Variants in SUPT3H observed in about 807,000 individuals in gnomAD.
The protein encoded by SUPT3H is transcription initiation protein SPT3 homolog.
A neutral mutation model predicts 44.3 loss-of-function variants in SUPT3H; 44 were observed. That is an observed-to-expected ratio of 0.99 (90% CI 0.78 to 1.28). The LOEUF (loss-of-function observed/expected upper bound fraction) is 1.28. Among genes scored for constraint, SUPT3H ranks in the 50% most tolerant of loss-of-function variants. The pLI is 0.00. For synonymous variants in SUPT3H, 124 were observed against 125.6 expected (o/e 0.99, Z 0.09); for missense variants, 380 against 387.1 (o/e 0.98, Z 0.15).
At chr6:45,261,598 A>G (rs1377159378) in intron 2 of SUPT3H, among the ~76,000 whole-genome samples, 1 of 152,178 alleles carries the variant, frequency 6.6e-6, no homozygotes, top group Non-Finnish European at 1.5e-5. Flanking sequence ...AGAATCATCT[A>G]TGGCAAACCC....
intron 3 of SUPT3H, among the ~76,000 whole-genome samples, chr6:45,055,058 G>A (rs1486795090): frequency 6.6e-6 from 1 of 151,840 alleles, no homozygotes; most frequent in Non-Finnish European, 1.5e-5. Flanking sequence ...CTTGAGCAGA[G>A]ACTTCAGTGG....
At chr6:45,072,842 C>G (rs767178841) in intron 3 of SUPT3H, among the ~76,000 whole-genome samples, 21 of 151,952 alleles carry the variant, frequency 1.4e-4, no homozygotes, top group Non-Finnish European at 2.1e-4. Context: ...CTTCTTCAAA[C>G]TTGGATACTG....
intron 2 of SUPT3H, among the ~76,000 whole-genome samples, chr6:45,199,648 G>T (rs906684696): frequency 1.3e-5 from 2 of 151,238 alleles, no homozygotes; most frequent in African/African-American, 2.4e-5. Flanking sequence ...TTCTTCAGTA[G>T]TTTCACAGTA....
intron 3 of SUPT3H, among the ~76,000 whole-genome samples, chr6:45,028,132 TGTTTG>T (rs1786320085): frequency 1.3e-5 from 2 of 152,250 alleles, no homozygotes; most frequent in African/African-American, 4.8e-5. Context: ...TTTTTTGTTT[TGTTTG>T]TTTTCCTGAA....
intron 10 of SUPT3H, among the ~76,000 whole-genome samples, chr6:44,840,772 C>A (rs1437828608): frequency 6.6e-6 from 1 of 152,198 alleles, no homozygotes; most frequent in Admixed American, 6.5e-5. Flanking sequence ...TTTATTCAAT[C>A]TAGGCCATTT....
At chr6:45,170,366 T>C (rs1562598014) in intron 2 of SUPT3H, among the ~76,000 whole-genome samples, 1 of 152,152 alleles carries the variant, frequency 6.6e-6, no homozygotes, top group Non-Finnish European at 1.5e-5. Context: ...AAACAAACAG[T>C]AACATGAAAT....
chr6:45,240,385 T>C (rs1770065428), intron 2 of SUPT3H, among the ~76,000 whole-genome samples: 1 of 152,202 alleles, frequency 6.6e-6, no homozygotes, highest in Non-Finnish European at 1.5e-5. Context: ...TTATTCTTAT[T>C]GGGCATATTT....
chr6:45,020,524 C>T (rs754988415), intron 4 of SUPT3H, 22 bp downstream of exon 4: 28 of 1,573,710 alleles, frequency 1.8e-5, no homozygotes, highest in Admixed American at 3.4e-5. Context: ...GATTTTAATA[C>T]AATAAAATTA....
intron 10 of SUPT3H, among the ~76,000 whole-genome samples, chr6:44,926,278 G>A (rs1010115783): frequency 6.6e-6 from 1 of 151,870 alleles, no homozygotes; most frequent in South Asian, 2.1e-4. Context: ...TTAATCTCAG[G>A]TTATACAATT....
At chr6:45,138,239 T>A (rs1342773975) in intron 2 of SUPT3H, among the ~76,000 whole-genome samples, 1 of 152,154 alleles carries the variant, frequency 6.6e-6, no homozygotes, top group African/African-American at 2.4e-5. Flanking sequence ...AAAATCCTCA[T>A]ATATTGCTAC....
intron 10 of SUPT3H, among the ~76,000 whole-genome samples, chr6:44,878,591 G>A (rs1376393801): frequency 4.6e-5 from 7 of 152,188 alleles, no homozygotes; most frequent in Middle Eastern, 3.4e-3. Context: ...CGCATTGCTC[G>A]TAGTAATATA....
intron 2 of SUPT3H, among the ~76,000 whole-genome samples, chr6:45,301,695 C>G (rs1028327911): frequency 6.6e-6 from 1 of 152,130 alleles, no homozygotes; most frequent in Admixed American, 6.5e-5. Flanking sequence ...TTGTCAAATA[C>G]TTGAAAGCAA....
At chr6:45,168,279 T>C (rs1306893751) in intron 2 of SUPT3H, among the ~76,000 whole-genome samples, 3 of 152,202 alleles carry the variant, frequency 2.0e-5, no homozygotes, top group Non-Finnish European at 4.4e-5. Flanking sequence ...TAAATATCTG[T>C]TATCCAAAAT....
intron 2 of SUPT3H, among the ~76,000 whole-genome samples, chr6:45,240,923 A>G (rs1236799173): frequency 1.3e-5 from 2 of 152,194 alleles, no homozygotes. Context: ...AAATTAAAAG[A>G]ACAAATATTT....
chr6:45,019,755 C>G (rs994561930), intron 4 of SUPT3H, among the ~76,000 whole-genome samples: 2 of 152,006 alleles, frequency 1.3e-5, no homozygotes, highest in African/African-American at 4.8e-5. Flanking sequence ...CCTACAGTCT[C>G]TCCATCTAAT....
intron 10 of SUPT3H, among the ~76,000 whole-genome samples, chr6:44,835,490 AGGG>A: frequency 6.8e-6 from 1 of 147,590 alleles, no homozygotes; most frequent in African/African-American, 2.5e-5. Flanking sequence ...ATGGGCACAG[AGGG>A]TTGAGGTTGA....
intron 10 of SUPT3H, among the ~76,000 whole-genome samples, chr6:44,865,533 G>GA (rs1368676879): frequency 6.6e-6 from 1 of 152,208 alleles, no homozygotes; most frequent in Non-Finnish European, 1.5e-5. Context: ...GGCAAAAGGT[G>GA]AAAGGCATGT....
chr6:45,281,387 C>T (rs1778035526), intron 2 of SUPT3H, among the ~76,000 whole-genome samples: 1 of 152,200 alleles, frequency 6.6e-6, no homozygotes, highest in Admixed American at 6.5e-5. Context: ...CGGGTCATTC[C>T]CACCCTAATA....
chr6:44,887,360 G>C (rs1218778628), intron 10 of SUPT3H, among the ~76,000 whole-genome samples: 3 of 151,920 alleles, frequency 2.0e-5, no homozygotes, highest in Non-Finnish European at 4.4e-5. Flanking sequence ...TTGACCACAC[G>C]GTTGGAAATA....
Sources: allele counts gnomAD v4.1 joint callset (sites outside exome capture counted in the v4.1 genomes callset), GRCh38; gene constraint gnomAD v4.1.1; transcripts MANE v1.5; gene names NCBI Gene and HGNC (gene_info 2026-07-23, HGNC 2026-07-21).